The following GNA14 variants were observed in gnomAD, a reference collection of about 807,000 sequenced individuals.
The protein encoded by GNA14 is guanine nucleotide-binding protein subunit alpha-14.
A neutral mutation model predicts 42.0 loss-of-function variants in GNA14; 50 were observed. The observed-to-expected ratio is 1.19, with a 90% CI of 0.95 to 1.51. GNA14 has a LOEUF of 1.51. Ranked by LOEUF, GNA14 falls within the 40% of genes most tolerant of loss-of-function variation. The pLI is 0.00. For synonymous variants in GNA14, 173 were observed against 163.1 expected, an observed-to-expected ratio of 1.06 and a Z score of -0.46; for missense variants, 473 against 446.2, an observed-to-expected ratio of 1.06 and a Z score of -0.54.
chr9:77,604,369 G>C (rs1029694390), intron 1 of GNA14, among the ~76,000 whole-genome samples: 7 of 152,174 alleles, frequency 4.6e-5, no homozygotes, highest in Non-Finnish European at 8.8e-5. Flanking sequence ...CTGAAGTTTA[G>C]TCTCTCTCAC....
At chr9:77,599,376 A>G (rs1189977493) in intron 1 of GNA14, among the ~76,000 whole-genome samples, 6 of 152,208 alleles carry the variant, frequency 3.9e-5, no homozygotes, top group African/African-American at 1.4e-4. Flanking sequence ...AGGGGGAAGG[A>G]GAATGGCAAG....
chr9:77,437,071 C>G (rs1314992373), intron 2 of GNA14, among the ~76,000 whole-genome samples: 2 of 152,118 alleles, frequency 1.3e-5, no homozygotes, highest in African/African-American at 2.4e-5. Flanking sequence ...TGTGGGCATG[C>G]CTCTTTTGCT....
At chr9:77,507,755 T>G (rs2131747554) in intron 2 of GNA14, among the ~76,000 whole-genome samples, 1 of 152,150 alleles carries the variant, frequency 6.6e-6, no homozygotes, top group Non-Finnish European at 1.5e-5. Flanking sequence ...ACTGACAGAG[T>G]CCACTGGAGT....
chr9:77,634,005 G>A (rs1427085665), intron 1 of GNA14, among the ~76,000 whole-genome samples: 1 of 152,104 alleles, frequency 6.6e-6, no homozygotes, highest in Non-Finnish European at 1.5e-5. Flanking sequence ...AAAAAGACTC[G>A]ATTCTGGTGA....
At chr9:77,579,126 C>T (rs1463385832) in intron 1 of GNA14, among the ~76,000 whole-genome samples, 3 of 152,168 alleles carry the variant, frequency 2.0e-5, no homozygotes, top group African/African-American at 7.2e-5. Flanking sequence ...GCATCAGTCC[C>T]ACCCTATGTC....
In GNA14 at chr9:77,644,437, C is replaced by CAAAAAAAAAAAAAAAAA. The variant is rs764737417; in HGVS notation, c.124+3216_124+3232dup. Reference sequence around the variant, plus strand: ...TACTGAACTCCAACCTAAAGAGTGTCAAAAAAAAAAAAAAAAAAAAAAAAA... The same window carrying CAAAAAAAAAAAAAAAAA: ...TACTGAACTCCAACCTAAAGAGTGTCAAAAAAAAAAAAAAAAAAAAAAAAAAAAAAAAAAAAAAAAAA... On this transcript the variant is annotated intron_variant, in intron 1 of 6. Transcript: ENST00000341700. Among the ~76,000 whole-genome samples, 16 of 34,022 alleles carry CAAAAAAAAAAAAAAAAA rather than the reference C, an allele frequency of 4.7e-4. 2 individuals are homozygous for CAAAAAAAAAAAAAAAAA. The East Asian group carries it at 5.2e-3, about 11-fold the overall frequency. The allele number at this position is 34,022 out of a possible 152,430, so 22.3% of individuals were successfully genotyped here. A position where few individuals can be genotyped will look rare whatever the true frequency, so the allele number is the denominator to read the frequency against.
intron 1 of GNA14, among the ~76,000 whole-genome samples, chr9:77,535,050 T>C (rs1837577198): frequency 1.3e-5 from 2 of 152,148 alleles, no homozygotes; most frequent in African/African-American, 2.4e-5. Context: ...ATAAAGGACT[T>C]AAGAAAATTC....
In GNA14 at chr9:77,529,308, G is replaced by C. The variant is rs116854900; in HGVS notation, c.125-55C>G. 1.0e-4 allele frequency: 139 copies of C among 1,358,922 alleles called. No individual in the cohort carries two copies. In the East Asian group the frequency reaches 2.6e-3, roughly 26 times the overall value. The allele number at this position is 1,358,922 out of a possible 1,614,324, so 84.2% of individuals were successfully genotyped here. ...TCAGCAGACTTCCAAAGGAACACAC[G>C]AAGAAACAGAGGACCTCCTGGCAGT... On this transcript the variant is annotated intron_variant, in intron 1 of 6. Coordinates refer to ENST00000341700, the MANE Select transcript of GNA14 (RefSeq NM_004297.4).
At chr9:77,536,458 C>T (rs1837600291) in intron 1 of GNA14, among the ~76,000 whole-genome samples, 1 of 152,184 alleles carries the variant, frequency 6.6e-6, no homozygotes, top group Non-Finnish European at 1.5e-5. Context: ...TCAAGCAATT[C>T]TTCTGCCTCA....
chr9:77,558,688 C>G (rs1337624320), intron 1 of GNA14, among the ~76,000 whole-genome samples: 2 of 152,100 alleles, frequency 1.3e-5, no homozygotes, highest in Non-Finnish European at 2.9e-5. Context: ...ACCCATGTGT[C>G]ACTGTGTGCC....
At chr9:77,570,030 G>T (rs1398446329) in intron 1 of GNA14, among the ~76,000 whole-genome samples, 1 of 152,126 alleles carries the variant, frequency 6.6e-6, no homozygotes, top group Admixed American at 6.5e-5. Context: ...CTCCCAAAGT[G>T]CTGGGATTAC....
intron 1 of GNA14, among the ~76,000 whole-genome samples, chr9:77,628,127 G>T (rs1824040571): frequency 6.6e-6 from 1 of 152,124 alleles, no homozygotes; most frequent in South Asian, 2.1e-4. Flanking sequence ...AATCATGAGT[G>T]AACTCCCATT....
At chr9:77,429,904 C>T (rs538540244) in intron 4 of GNA14, among the ~76,000 whole-genome samples, 1 of 151,990 alleles carries the variant, frequency 6.6e-6, no homozygotes, top group South Asian at 2.1e-4. Flanking sequence ...GCCAAGTAAC[C>T]CCCACCCACC....
intron 1 of GNA14, among the ~76,000 whole-genome samples, chr9:77,553,354 G>C (rs949108293): frequency 6.6e-6 from 1 of 152,150 alleles, no homozygotes; most frequent in Non-Finnish European, 1.5e-5. Flanking sequence ...TCTCAGAGTA[G>C]TGCTGGGACT....
intron 1 of GNA14, among the ~76,000 whole-genome samples, chr9:77,532,300 A>G (rs1837540814): frequency 6.6e-6 from 1 of 152,140 alleles, no homozygotes; most frequent in Non-Finnish European, 1.5e-5. Context: ...CCCCAAGTAC[A>G]TGGTCTCATC....
intron 1 of GNA14, among the ~76,000 whole-genome samples, chr9:77,647,099 C>G (rs1442996958): frequency 2.0e-5 from 3 of 152,204 alleles, no homozygotes; most frequent in Non-Finnish European, 4.4e-5. Context: ...CCACAGCTGA[C>G]CTAGCATCGG....
rs146057293 is a variant in GNA14, at chr9:77,511,970, G to A, written c.309+17099C>T. ...GAATGAATAACCTCATGCCTGTGCCGCCATGGGCTCCGTATTGGCTGCCTC... is the reference window on the plus strand; with the variant it reads ...GAATGAATAACCTCATGCCTGTGCCACCATGGGCTCCGTATTGGCTGCCTC... On this transcript the variant is annotated intron_variant, in intron 2 of 6. Transcript: ENST00000341700. Among the ~76,000 whole-genome samples the A allele has an allele frequency of 9.7e-3, 1,472 of 152,184 alleles. 20 individuals carry two copies. The highest frequency in any genetic ancestry group is 0.033 in the African/African-American group (1,370 of 41,496).
chr9:77,623,274 A>T (rs1276229462), intron 1 of GNA14, among the ~76,000 whole-genome samples: 2 of 149,286 alleles, frequency 1.3e-5, no homozygotes, highest in African/African-American at 4.9e-5. Context: ...AGAAAAAAAA[A>T]TTTGAAATGG....
chr9:77,575,212 ATGTCAT>A (rs953747027), intron 1 of GNA14, among the ~76,000 whole-genome samples: 1 of 152,140 alleles, frequency 6.6e-6, no homozygotes, highest in Non-Finnish European at 1.5e-5. Context: ...TTCAACTCCA[ATGTCAT>A]GAAAACTAGA....
Sources: gnomAD v4.1 joint callset for allele counts (sites outside exome capture counted in the v4.1 genomes callset) on GRCh38, gnomAD v4.1.1 for gene constraint, MANE v1.5 for transcripts, NCBI Gene and HGNC (gene_info 2026-07-23, HGNC 2026-07-21) for gene names.